The following TMEM212 variants were observed in gnomAD, a reference collection of about 807,000 sequenced individuals.
TMEM212 encodes transmembrane protein 212.
TMEM212 carries 23 observed loss-of-function variants against 20.5 expected under a neutral mutation model. The observed-to-expected ratio is 1.12, with a 90% CI of 0.81 to 1.59. TMEM212 has a LOEUF of 1.59. Among genes scored for constraint, TMEM212 ranks in the 40% most tolerant of loss-of-function variants. The pLI, the probability that TMEM212 is intolerant of heterozygous loss-of-function variation, is 0.00. For synonymous variants in TMEM212, 76 were observed against 81.6 expected (o/e 0.93, Z 0.37); for missense variants, 211 against 215.0 (o/e 0.98, Z 0.12).
chr3:171,854,941 G>C (rs938191778), intron 3 of TMEM212, among the ~76,000 whole-genome samples: 5 of 152,166 alleles, frequency 3.3e-5, no homozygotes, highest in African/African-American at 9.7e-5. Flanking sequence ...GTCTATGTAA[G>C]TCATAATAAC....
rs2108383754 is a variant in TMEM212 at position 171,858,193 on chromosome 3, A to G, written c.*136A>G. On this transcript the variant is annotated 3_prime_UTR_variant, in exon 5 of 5. Coordinates refer to ENST00000334567, the MANE Select transcript of TMEM212 (RefSeq NM_001164436.2). ...ACTATTCTACAAGGCTACAGTTACC[A>G]AAACAGCATGGTACTGGTACCAAAA... The G allele has an allele frequency of 6.6e-6, 1 of 152,346 alleles. No individual in the cohort carries two copies. Among genetic ancestry groups the G allele is most frequent in the African/African-American group, 2.4e-5 (1 of 41,526 alleles). 9.4% of individuals were successfully genotyped at this position (152,346 alleles called of 1,614,324 possible).
chr3:171,843,817 C>T (rs1284195328), intron 1 of TMEM212, among the ~76,000 whole-genome samples: 1 of 151,932 alleles, frequency 6.6e-6, no homozygotes, highest in Non-Finnish European at 1.5e-5. Context: ...TATTTTAATC[C>T]ACTTAACTTG....
chr3:171,845,207 G>C (rs1209209991), intron 1 of TMEM212, among the ~76,000 whole-genome samples: 1 of 152,088 alleles, frequency 6.6e-6, no homozygotes, highest in Non-Finnish European at 1.5e-5. Context: ...GTGACTCAGA[G>C]TCAGAAAAAT....
chr3:171,857,081 T>C, intron 4 of TMEM212: 1 of 159,160 alleles, frequency 6.3e-6, no homozygotes, highest in South Asian at 2.0e-4. Flanking sequence ...TGTGAGTGTT[T>C]TTCTATAACA....
At position 171,856,980 on chromosome 3, in the gene TMEM212, A is replaced by G. The variant is rs1725133833; in HGVS notation, c.*3+273A>G. 1.9e-5 allele frequency: 5 copies of G among 261,886 alleles called. No individual in the cohort carries two copies. In the East Asian group the frequency reaches 3.4e-4, roughly 18 times the overall value. The allele number at this position is 261,886 out of a possible 1,614,324, so 16.2% of individuals were successfully genotyped here. ...GTAAAATCACCTAAGCCCACAAAGTATAGGGTAGTACCTGGAGTGCTAGTC... is the reference window on the plus strand; with the variant it reads ...GTAAAATCACCTAAGCCCACAAAGTGTAGGGTAGTACCTGGAGTGCTAGTC... On this transcript the variant is annotated intron_variant, in intron 4 of 4. Transcript: ENST00000334567.
At chr3:171,851,745 C>A (rs1327885131) in intron 1 of TMEM212, among the ~76,000 whole-genome samples, 1 of 152,182 alleles carries the variant, frequency 6.6e-6, no homozygotes, top group Non-Finnish European at 1.5e-5. Context: ...GCAAAGGCAA[C>A]ATAGAGAATC....
In TMEM212 at chr3:171,853,693, C is replaced by G; in HGVS notation, c.386C>G (p.Ala129Gly). Reference protein sequence around the residue: ...GYAVTFPYPYAKFPLACVDPP... With the variant: ...GYAVTFPYPYGKFPLACVDPP... ...GCAGTTACCTTTCCTTATCCATATG[C>G]AAAATTCCCATTAGCCTGTGTGGAC... Residue 129 changes from alanine (A) to glycine (G), a missense_variant, in exon 3 of 5, where the codon GCA (alanine) becomes GGA (glycine). Physicochemically the swap from Ala to Gly is moderately conservative, Grantham distance 60 (BLOSUM62 0). Coordinates refer to ENST00000334567, the MANE Select transcript of TMEM212 (RefSeq NM_001164436.2). 6.5e-7 allele frequency: 1 copy of G among 1,537,502 alleles called. No homozygotes were observed. Among genetic ancestry groups the G allele is most frequent in the Non-Finnish European group, 8.7e-7 (1 of 1,146,928 alleles).
rs934231537 is a variant in TMEM212 at position 171,843,350 on chromosome 3, T to C, written c.-34T>C. Reference sequence around the variant, plus strand: ...ACGCTCATGTTTTGGTAACAAAACATCTTTGAGACCAAGGCCTCAAGCCAC... The same window carrying C: ...ACGCTCATGTTTTGGTAACAAAACACCTTTGAGACCAAGGCCTCAAGCCAC... On this transcript the variant is annotated 5_prime_UTR_variant, in exon 1 of 5. Transcript: ENST00000334567. 3 of 1,509,888 alleles carry C rather than the reference T, an allele frequency of 2.0e-6. No individual in the cohort carries two copies. The African/African-American group carries it at 4.2e-5, about 21-fold the overall frequency. The allele number at this position is 1,509,888 out of a possible 1,614,324, so 93.5% of individuals were successfully genotyped here.
At chr3:171,849,369 T>C (rs1324203718) in intron 1 of TMEM212, among the ~76,000 whole-genome samples, 2 of 152,260 alleles carry the variant, frequency 1.3e-5, no homozygotes, top group Non-Finnish European at 2.9e-5. Flanking sequence ...GCATTATTTT[T>C]ACACCTGAAC....
chr3:171,846,058 T>A (rs149385688), intron 1 of TMEM212, among the ~76,000 whole-genome samples: 158 of 152,322 alleles, frequency 1.0e-3, no homozygotes, highest in Middle Eastern at 3.4e-3. Context: ...GAGTTCTCCA[T>A]CCTGTTACTT....
chr3:171,854,363 T>C (rs1233752557), intron 3 of TMEM212, among the ~76,000 whole-genome samples: 2 of 152,090 alleles, frequency 1.3e-5, no homozygotes, highest in Non-Finnish European at 1.5e-5. Context: ...AAATCAGCTG[T>C]GTTTCTACAC....
At position 171,853,678 on chromosome 3, in the gene TMEM212, T is replaced by C; in HGVS notation, c.371T>C (p.Phe124Ser). ...GTNYLGYAVT[F>S]PYPYAKFPLA... is the part of the protein sequence containing the mutation. The stretch of plus-strand genomic sequence containing the variant: ...AATTACCTTGGCTATGCAGTTACCT[T>C]TCCTTATCCATATGCAAAATTCCCA... Residue 124 changes from phenylalanine to serine, a missense_variant, in exon 3 of 5, where the codon TTT becomes TCT. Coordinates refer to ENST00000334567, the MANE Select transcript of TMEM212 (RefSeq NM_001164436.2). 6.5e-7 allele frequency: 1 copy of C among 1,537,478 alleles called. No individual in the cohort carries two copies.
chr3:171,852,967 G>C (rs1454351804), intron 2 of TMEM212, among the ~76,000 whole-genome samples: 2 of 152,252 alleles, frequency 1.3e-5, no homozygotes, highest in Non-Finnish European at 1.5e-5. Flanking sequence ...GCTACTGAAT[G>C]ATGGACCACA....
chr3:171,848,829 T>C (rs1365841140), intron 1 of TMEM212, among the ~76,000 whole-genome samples: 1 of 151,492 alleles, frequency 6.6e-6, no homozygotes, highest in Non-Finnish European at 1.5e-5. Context: ...GTGGCTAGAG[T>C]TGAAAAAATA....
chr3:171,847,936 G>T (rs988580670), intron 1 of TMEM212, among the ~76,000 whole-genome samples: 3 of 152,156 alleles, frequency 2.0e-5, no homozygotes, highest in African/African-American at 4.8e-5. Flanking sequence ...CTAGGAGAAG[G>T]TTCAGGAACC....
intron 3 of TMEM212, among the ~76,000 whole-genome samples, chr3:171,854,171 T>C (rs535009778): frequency 8.5e-5 from 13 of 152,204 alleles, no homozygotes; most frequent in African/African-American, 3.1e-4. Flanking sequence ...TACTGGAAGT[T>C]CTAGCCAGAG....
intron 1 of TMEM212, among the ~76,000 whole-genome samples, chr3:171,845,264 C>T (rs1383335121): frequency 6.6e-6 from 1 of 152,146 alleles, no homozygotes; most frequent in African/African-American, 2.4e-5. Context: ...CTACATTCTT[C>T]TCTCTAGATA....
intron 1 of TMEM212, 140 bp from the exon 2 acceptor site, chr3:171,851,842 G>A: frequency 1.4e-6 from 1 of 727,562 alleles, no homozygotes; most frequent in Non-Finnish European, 2.3e-6. Context: ...GGATGAGGAG[G>A]AAATCAGAGC....
intron 1 of TMEM212, among the ~76,000 whole-genome samples, chr3:171,845,282 A>G (rs1425593411): frequency 1.3e-5 from 2 of 152,242 alleles, no homozygotes; most frequent in Admixed American, 1.3e-4. Flanking sequence ...ATAAATAGAT[A>G]TCTACATCTA....
Sources: gnomAD v4.1 joint callset for allele counts (sites outside exome capture counted in the v4.1 genomes callset) on GRCh38, gnomAD v4.1.1 for gene constraint, MANE v1.5 for transcripts, NCBI Gene and HGNC (gene_info 2026-07-23, HGNC 2026-07-21) for gene names.